BTAF1: variants seen among roughly 807,000 people sequenced by gnomAD.
BTAF1 encodes the protein B-TFIID TATA-box binding protein associated factor 1.
A neutral mutation model predicts 227.1 loss-of-function variants in BTAF1; 38 were observed. That is an observed-to-expected ratio of 0.17 (90% CI 0.13 to 0.22). BTAF1 has a LOEUF of 0.22. Ranked by LOEUF, BTAF1 falls within the 10% of genes least tolerant of loss-of-function variation. The pLI is 1.00. For missense variants in BTAF1, 1,598 were observed against 2,204.0 expected (o/e 0.73, Z 5.51); for synonymous variants, 742 against 751.9 (o/e 0.99, Z 0.21).
intron 18 of BTAF1, among the ~76,000 whole-genome samples, chr10:91,983,220 A>C (rs1463975456): frequency 6.6e-6 from 1 of 152,244 alleles, no homozygotes; most frequent in Non-Finnish European, 1.5e-5. Context: ...TATTTAAACC[A>C]AAATCTTCAT....
chr10:91,993,007 A>G (rs909084416), intron 21 of BTAF1, among the ~76,000 whole-genome samples: 4 of 152,228 alleles, frequency 2.6e-5, no homozygotes, highest in Non-Finnish European at 5.9e-5. Flanking sequence ...ATACTAAAAG[A>G]CATGTTTCTG....
intron 14 of BTAF1, 134 bp from the exon 15 acceptor site, chr10:91,980,320 A>C (rs1302852814): frequency 1.6e-6 from 1 of 610,962 alleles, no homozygotes; most frequent in Non-Finnish European, 2.8e-6. Flanking sequence ...AAAGTTTATC[A>C]CCTGTTTAGC....
chr10:91,932,541 C>G (rs1844337678), intron 1 of BTAF1, among the ~76,000 whole-genome samples: 2 of 152,122 alleles, frequency 1.3e-5, no homozygotes, highest in South Asian at 4.1e-4. Context: ...TATTTGAATA[C>G]TGTGCAAAGT....
Position 92,024,732 on chromosome 10 carries a change from G to GTTTTTTGT in BTAF1, c.4864-18_4864-17insGTTTTTTT, listed in dbSNP as rs1554870029. ...TCTGCTTTTATTGAACGCTTATGTA[G>GTTTTTTGT]TTTTTTTTTTTTTTCTTCCTAAGTT... On this transcript the variant is annotated intron_variant, in intron 34 of 37. Coordinates refer to ENST00000265990, the MANE Select transcript of BTAF1 (RefSeq NM_003972.3). 8.7e-6 allele frequency: 11 copies of GTTTTTTGT among 1,267,272 alleles called. No individual in the cohort carries two copies. In the South Asian group the frequency reaches 1.5e-4, roughly 17 times the overall value. The allele number at this position is 1,267,272 out of a possible 1,614,324, so 78.5% of individuals were successfully genotyped here.
At position 92,013,772 on chromosome 10, in the gene BTAF1, A is replaced by C; in HGVS notation, c.4417A>C (p.Arg1473=). The C allele has an allele frequency of 1.2e-6, 2 of 1,614,092 alleles. No individual in the cohort carries two copies. The highest frequency in any genetic ancestry group is 1.7e-6 in the Non-Finnish European group (2 of 1,180,030). Residue 1473 remains arginine (R), a synonymous_variant, in exon 31 of 38, where the codon AGG becomes CGG. Coordinates refer to ENST00000265990, the MANE Select transcript of BTAF1 (RefSeq NM_003972.3). ...ARYGKPILAS[R]DARSSSREQE... ...ATATGGTAAACCTATATTAGCAAGT[A>C]GGGATGCTCGAAGCTCCAGTCGAGA...
intron 20 of BTAF1, among the ~76,000 whole-genome samples, chr10:91,990,260 GA>G (rs34011599): frequency 6.6e-6 from 1 of 152,104 alleles, no homozygotes; most frequent in Non-Finnish European, 1.5e-5. Context: ...CATAGATCTT[GA>G]AAAATATGTT....
At chr10:91,988,824 C>A (rs1292144556) in intron 19 of BTAF1, among the ~76,000 whole-genome samples, 1 of 152,164 alleles carries the variant, frequency 6.6e-6, no homozygotes, top group Admixed American at 6.5e-5. Flanking sequence ...TTATATTTGC[C>A]TGTAGCTTTC....
intron 21 of BTAF1, 123 bp from the exon 22 acceptor site, chr10:91,993,571 C>A: frequency 2.6e-6 from 2 of 754,792 alleles, no homozygotes; most frequent in Non-Finnish European, 3.8e-6. Flanking sequence ...CTAATAATTG[C>A]TTACTTGGTT....
At chr10:91,988,753 A>C (rs1848569938) in intron 19 of BTAF1, among the ~76,000 whole-genome samples, 1 of 152,250 alleles carries the variant, frequency 6.6e-6, no homozygotes, top group East Asian at 1.9e-4. Flanking sequence ...TTAGAGTTGA[A>C]AAGAATATTT....
intron 32 of BTAF1, among the ~76,000 whole-genome samples, chr10:92,016,108 G>T (rs1253768371): frequency 6.6e-6 from 1 of 151,712 alleles, no homozygotes; most frequent in Admixed American, 6.6e-5. Flanking sequence ...TTCATATTTT[G>T]GCAGCCGAAC....
intron 18 of BTAF1, among the ~76,000 whole-genome samples, chr10:91,983,070 A>G (rs1039583552): frequency 6.6e-6 from 1 of 152,200 alleles, no homozygotes; most frequent in Non-Finnish European, 1.5e-5. Context: ...TAGTCCAGAA[A>G]CTATTGGTCA....
rs1263098195 is a variant in BTAF1, at chr10:92,009,072, G to C, written c.3967G>C (p.Glu1323Gln). ...GGAATATGCAAGATCAAAATTAGCA[G>C]AATGTATGCCACTTCCTTCCTTAGT... Reference protein sequence around the residue: ...AQEYARSKLAECMPLPSLVVC... With the variant: ...AQEYARSKLAQCMPLPSLVVC... Residue 1323 changes from glutamate to glutamine, a missense_variant, in exon 28 of 38, where the codon GAA becomes CAA. Around this residue, in one of 10 missense-constraint regions of BTAF1, gnomAD observed 184 missense variants for 341.1 expected, o/e 0.54. Transcript: ENST00000265990. 1.2e-6 allele frequency: 2 copies of C among 1,614,112 alleles called. No homozygotes were observed. Among genetic ancestry groups the C allele is most frequent in the East Asian group, 2.2e-5 (1 of 44,852 alleles).
In BTAF1 at chr10:92,028,939, A is replaced by G. The variant is rs369340530; in HGVS notation, c.*6A>G. The G allele has an allele frequency of 9.6e-6, 15 of 1,565,618 alleles. No individual in the cohort carries two copies. The African/African-American group carries it at 1.4e-4, about 14-fold the overall frequency. ...TTATGCATTCTCTCAAGTAACTATC[A>G]AATATTGTAAATGCAATTGCTGCTA... On this transcript the variant is annotated 3_prime_UTR_variant, in exon 38 of 38. Transcript: ENST00000265990.
At chr10:91,933,845 C>T (rs183932381) in intron 1 of BTAF1, among the ~76,000 whole-genome samples, 64 of 152,258 alleles carry the variant, frequency 4.2e-4, no homozygotes, top group African/African-American at 1.4e-3. Flanking sequence ...GAGAGCTCTG[C>T]ATATTGGAAG....
chr10:92,004,772 G>T (rs1395668460), intron 25 of BTAF1, among the ~76,000 whole-genome samples: 1 of 152,140 alleles, frequency 6.6e-6, no homozygotes, highest in East Asian at 1.9e-4. Context: ...TGACTGGCCT[G>T]TATTTTGATT....
At chr10:92,024,732 G>GTTTTTT in intron 34 of BTAF1, 24 bp from the exon 35 acceptor site, 40 of 1,267,266 alleles carry the variant, frequency 3.2e-5, no homozygotes, top group South Asian at 6.7e-5. Flanking sequence ...CGCTTATGTA[G>GTTTTTT]TTTTTTTTTT....
intron 12 of BTAF1, among the ~76,000 whole-genome samples, chr10:91,963,111 T>C (rs1383875617): frequency 1.3e-5 from 2 of 151,998 alleles, no homozygotes; most frequent in African/African-American, 4.8e-5. Context: ...TATATACACA[T>C]AACATTTTCT....
intron 25 of BTAF1, among the ~76,000 whole-genome samples, chr10:92,000,437 CATTTGAAT>C (rs1304719776): frequency 2.0e-5 from 3 of 152,102 alleles, no homozygotes; most frequent in Non-Finnish European, 4.4e-5. Flanking sequence ...GTTTAATAGC[CATTTGAAT>C]ATGGATTAGA....
intron 25 of BTAF1, among the ~76,000 whole-genome samples, chr10:92,007,762 G>A (rs1263030014): frequency 2.6e-5 from 4 of 152,154 alleles, no homozygotes; most frequent in Admixed American, 2.0e-4. Context: ...CATAGGGGTC[G>A]CGCAGACCAC....
Sources: allele counts gnomAD v4.1 joint callset (sites outside exome capture counted in the v4.1 genomes callset), GRCh38; gene constraint gnomAD v4.1.1; regional missense constraint gnomAD v4.1.1; transcripts MANE v1.5; gene names NCBI Gene and HGNC (gene_info 2026-07-23, HGNC 2026-07-21).